The following PTPRG variants were observed in gnomAD, a reference collection of about 807,000 sequenced individuals.
PTPRG encodes protein tyrosine phosphatase receptor type G.
A neutral mutation model predicts 165.3 loss-of-function variants in PTPRG; 102 were observed. The ratio of observed to expected loss-of-function variants is 0.62; its 90% CI spans 0.53 to 0.73. PTPRG has a LOEUF of 0.73. PTPRG is among the 30% of genes least tolerant of loss of function. The probability of loss-of-function intolerance (pLI) is 0.00; values close to 1 mark genes in which losing one functional copy is unlikely to be tolerated. For missense variants in PTPRG, 1,866 were observed against 1,861.4 expected, an observed-to-expected ratio of 1.00 and a Z score of -0.05; for synonymous variants, 675 against 669.5, an observed-to-expected ratio of 1.01 and a Z score of -0.13.
intron 4 of PTPRG, among the ~76,000 whole-genome samples, chr3:62,055,717 C>T (rs1381933788): frequency 2.6e-5 from 4 of 152,142 alleles, no homozygotes; most frequent in African/African-American, 4.8e-5. Context: ...TGGTGGTTTG[C>T]AGGCAGTCTT....
intron 2 of PTPRG, among the ~76,000 whole-genome samples, chr3:61,938,714 A>G (rs1463807430): frequency 6.6e-6 from 1 of 152,238 alleles, no homozygotes; most frequent in Admixed American, 6.5e-5. Context: ...TCTAATGCTT[A>G]CGCTACGTTA....
At chr3:61,951,277 T>G (rs975179259) in intron 2 of PTPRG, among the ~76,000 whole-genome samples, 8 of 152,238 alleles carry the variant, frequency 5.3e-5, no homozygotes, top group African/African-American at 1.4e-4. Context: ...CTGCTGAAAC[T>G]ATTTAGAAAG....
At chr3:61,884,727 T>C (rs2037982609) in intron 2 of PTPRG, among the ~76,000 whole-genome samples, 1 of 152,188 alleles carries the variant, frequency 6.6e-6, no homozygotes. Flanking sequence ...GAAATTCTCT[T>C]TAAGGGCATG....
intron 2 of PTPRG, among the ~76,000 whole-genome samples, chr3:61,899,360 T>C (rs971223139): frequency 4.6e-5 from 7 of 152,312 alleles, no homozygotes; most frequent in South Asian, 2.1e-4. Flanking sequence ...ACAGAATTGC[T>C]AATATTTTTA....
chr3:61,772,016 T>C (rs142810035), intron 2 of PTPRG, among the ~76,000 whole-genome samples: 165 of 136,562 alleles, frequency 1.2e-3, no homozygotes, highest in African/African-American at 4.5e-3. Context: ...GCCGAGACGA[T>C]GCCTCTGCAC....
At chr3:61,873,367 A>C (rs570583974) in intron 2 of PTPRG, among the ~76,000 whole-genome samples, 40 of 152,346 alleles carry the variant, frequency 2.6e-4, no homozygotes, top group African/African-American at 9.4e-4. Context: ...TTTACTCATA[A>C]GATGTCATAT....
chr3:61,675,566 G>A (rs1212407491), intron 1 of PTPRG, among the ~76,000 whole-genome samples: 1 of 152,060 alleles, frequency 6.6e-6, no homozygotes, highest in Non-Finnish European at 1.5e-5. Flanking sequence ...TATTATGTAT[G>A]TACTTTTGGC....
chr3:61,873,616 A>T (rs1002061393), intron 2 of PTPRG, among the ~76,000 whole-genome samples: 8 of 152,174 alleles, frequency 5.3e-5, no homozygotes, highest in Admixed American at 1.3e-4. Context: ...TTAATGTTAT[A>T]CAATATTGTA....
chr3:62,073,658 T>A (rs1392206350), intron 4 of PTPRG, among the ~76,000 whole-genome samples: 1 of 152,106 alleles, frequency 6.6e-6, no homozygotes, highest in Admixed American at 6.6e-5. Context: ...ATTTTTGTAT[T>A]TTTGTAGAGA....
In PTPRG at chr3:61,635,052, T is replaced by C. The variant is rs544382472; in HGVS notation, c.85+72680T>C. Among the ~76,000 whole-genome samples, 146 of 152,244 alleles carry C rather than the reference T, an allele frequency of 9.6e-4. 1 individual carries two copies. Among genetic ancestry groups the C allele is most frequent in the African/African-American group, 3.2e-3 (135 of 41,556 alleles). ...AGTCTGTATTTGTAATAGACAAGGT[T>C]TGAAGGAAAGCTGAGACCTTGTTAA... On this transcript the variant is annotated intron_variant, in intron 1 of 29. Transcript: ENST00000474889.
chr3:61,602,958 T>C (rs1337925273), intron 1 of PTPRG, among the ~76,000 whole-genome samples: 1 of 152,204 alleles, frequency 6.6e-6, no homozygotes, highest in Non-Finnish European at 1.5e-5. Context: ...TGATCTGTGC[T>C]CCGGAGGTTG....
At chr3:62,046,988 G>A (rs1700313880) in intron 4 of PTPRG, among the ~76,000 whole-genome samples, 1 of 152,116 alleles carries the variant, frequency 6.6e-6, no homozygotes, top group Non-Finnish European at 1.5e-5. Context: ...CTGTATTATG[G>A]AAGATACAAG....
intron 1 of PTPRG, among the ~76,000 whole-genome samples, chr3:61,648,064 A>G (rs1312679247): frequency 6.6e-6 from 1 of 152,112 alleles, no homozygotes; most frequent in African/African-American, 2.4e-5. Context: ...CTGCAACTTC[A>G]TGATAAGTGG....
chr3:61,876,404 G>A (rs943478403), intron 2 of PTPRG, among the ~76,000 whole-genome samples: 9 of 152,172 alleles, frequency 5.9e-5, no homozygotes, highest in Non-Finnish European at 1.3e-4. Context: ...TTCAGTTGAT[G>A]AGTTAATTCT....
chr3:61,570,633 C>G (rs1700033799), intron 1 of PTPRG, among the ~76,000 whole-genome samples: 1 of 152,130 alleles, frequency 6.6e-6, no homozygotes, highest in African/African-American at 2.4e-5. Flanking sequence ...GCACTTAAAT[C>G]AGATCTGTTC....
intron 1 of PTPRG, among the ~76,000 whole-genome samples, chr3:61,636,263 A>G (rs980734216): frequency 1.3e-5 from 2 of 152,186 alleles, no homozygotes; most frequent in East Asian, 1.9e-4. Context: ...GAGTTGTATA[A>G]TGATCTTATT....
chr3:61,975,857 A>G (rs1011019626), intron 2 of PTPRG, among the ~76,000 whole-genome samples: 30 of 152,318 alleles, frequency 2.0e-4, no homozygotes, highest in Middle Eastern at 3.4e-3. Flanking sequence ...AATGAAAAAC[A>G]AGAAAGCCGG....
intron 2 of PTPRG, among the ~76,000 whole-genome samples, chr3:61,825,475 T>C (rs941725619): frequency 1.3e-5 from 2 of 152,332 alleles, no homozygotes; most frequent in South Asian, 4.1e-4. Flanking sequence ...ACCTATTGTT[T>C]TGATGGTTTT....
At chr3:61,775,263 G>A (rs924433656) in intron 2 of PTPRG, among the ~76,000 whole-genome samples, 1 of 152,058 alleles carries the variant, frequency 6.6e-6, no homozygotes, top group African/African-American at 2.4e-5. Flanking sequence ...TTGAGATGGG[G>A]TTTCACCATG....
Sources: allele counts gnomAD v4.1 joint callset (sites outside exome capture counted in the v4.1 genomes callset), GRCh38; gene constraint gnomAD v4.1.1; transcripts MANE v1.5; gene names NCBI Gene and HGNC (gene_info 2026-07-23, HGNC 2026-07-21).